Variants in FAM228B observed in about 807,000 individuals in gnomAD.
FAM228B encodes family with sequence similarity 228 member B.
In FAM228B, 38 loss-of-function variants were observed where a neutral mutation model predicts 42.6. That is an observed-to-expected ratio of 0.89 (90% CI 0.69 to 1.17). The LOEUF is 1.17. Ranked by LOEUF, FAM228B falls within the 50% of genes most tolerant of loss-of-function variation. FAM228B has a pLI of 0.00. For synonymous variants in FAM228B, 109 were observed against 122.3 expected (o/e 0.89, Z 0.72); for missense variants, 344 against 367.3 (o/e 0.94, Z 0.52).
At chr2:24,127,653 T>A (rs1290745945) in intron 2 of FAM228B, among the ~76,000 whole-genome samples, 4 of 152,030 alleles carry the variant, frequency 2.6e-5, no homozygotes, top group Non-Finnish European at 1.5e-5. Flanking sequence ...ATCTGGAAAA[T>A]TTTCAGCCAT....
chr2:24,153,383 C>T (rs982364177), intron 7 of FAM228B, among the ~76,000 whole-genome samples: 5 of 152,130 alleles, frequency 3.3e-5, no homozygotes, highest in African/African-American at 1.2e-4. Flanking sequence ...TTTTCAGGGC[C>T]CAAGGGCTCC....
intron 3 of FAM228B, chr2:24,096,667 C>T (rs2150994262): frequency 6.6e-6 from 1 of 152,246 alleles, no homozygotes; most frequent in South Asian, 2.1e-4. Flanking sequence ...ATTGGTGTAC[C>T]TGGAAGTGAT....
intron 7 of FAM228B, among the ~76,000 whole-genome samples, chr2:24,148,650 A>G (rs1365898698): frequency 2.0e-5 from 3 of 152,178 alleles, no homozygotes; most frequent in Non-Finnish European, 1.5e-5. Flanking sequence ...TGATACAGGC[A>G]TGCAATTCAT....
At chr2:24,083,092 C>A (rs1194908515) in intron 2 of FAM228B, 1 of 1,614,102 alleles carries the variant, frequency 6.2e-7, no homozygotes, top group Admixed American at 1.7e-5. Flanking sequence ...GCCACATGTC[C>A]AGATGCCTCA....
intron 3 of FAM228B, among the ~76,000 whole-genome samples, chr2:24,098,838 A>G (rs1665552530): frequency 2.6e-5 from 4 of 152,202 alleles, no homozygotes. Flanking sequence ...AAAAAAGAGA[A>G]TTTTAGACCA....
intron 7 of FAM228B, among the ~76,000 whole-genome samples, chr2:24,150,271 A>T (rs373436479): frequency 2.6e-5 from 4 of 152,060 alleles, no homozygotes; most frequent in African/African-American, 7.2e-5. Context: ...TTAGCATTTC[A>T]TATAGGATAG....
chr2:24,108,911 A>AG (rs1046656741), intron 3 of FAM228B, among the ~76,000 whole-genome samples: 2 of 151,846 alleles, frequency 1.3e-5, no homozygotes, highest in Admixed American at 6.6e-5. Flanking sequence ...AAAAAAAAAA[A>AG]AAAAAGAAAA....
At chr2:24,164,152 A>G in intron 8 of FAM228B, 46 bp from the exon 9 acceptor site, 1 of 1,485,522 alleles carries the variant, frequency 6.7e-7, no homozygotes, top group Non-Finnish European at 9.0e-7. Flanking sequence ...GCTACAGTTG[A>G]GTTGAGAGTT....
intron 2 of FAM228B, among the ~76,000 whole-genome samples, chr2:24,132,653 T>C: frequency 6.6e-6 from 1 of 152,026 alleles, no homozygotes; most frequent in Non-Finnish European, 1.5e-5. Flanking sequence ...TTGGTCTCCA[T>C]TGATTGTTTT....
chr2:24,127,421 A>C (rs1416692517), intron 2 of FAM228B, among the ~76,000 whole-genome samples: 1 of 152,096 alleles, frequency 6.6e-6, no homozygotes, highest in African/African-American at 2.4e-5. Context: ...GTAACTTTTT[A>C]GGTAACATGA....
At chr2:24,133,656 A>G (rs6723592) in intron 2 of FAM228B, among the ~76,000 whole-genome samples, 17,929 of 152,266 alleles carry the variant, frequency 0.12, 1,254 homozygotes, top group South Asian at 0.18. Flanking sequence ...TGTTATAAAA[A>G]TGGAAAAATT....
At chr2:24,081,765 T>C (rs1056476010) in intron 2 of FAM228B, among the ~76,000 whole-genome samples, 5 of 150,968 alleles carry the variant, frequency 3.3e-5, no homozygotes, top group African/African-American at 1.2e-4. Context: ...CTTGGCTCAC[T>C]GCAAGCTCTG....
intron 3 of FAM228B, among the ~76,000 whole-genome samples, chr2:24,114,994 T>A (rs1053580797): frequency 6.6e-6 from 1 of 152,182 alleles, no homozygotes; most frequent in Non-Finnish European, 1.5e-5. Context: ...AAATGTCCAT[T>A]GAATACCTTG....
chr2:24,086,234 C>CAAAA (rs57641176), intron 2 of FAM228B, among the ~76,000 whole-genome samples: 15 of 63,928 alleles, frequency 2.3e-4, no homozygotes, highest in African/African-American at 7.7e-4. Flanking sequence ...GACTCCGTCT[C>CAAAA]AAAAAAAAAA....
At position 24,137,987 on chromosome 2, in the gene FAM228B, T is replaced by A; in HGVS notation, c.247T>A (p.Cys83Ser). The change falls in exon 4 of 11, where the codon TGT becomes AGT. Residue 83 changes from cysteine (C) to serine (S), a missense_variant. By Grantham distance (112) the Cys-to-Ser change is moderately radical (BLOSUM62 -1). Transcript: ENST00000615575. ...KEMLYKRWVD[C>S]VADPLQKKII... ...GATGTTATATAAAAGATGGGTTGACTGTGTGGCAGATCCTCTTCAGAAGAA... is the reference window on the plus strand; with the variant it reads ...GATGTTATATAAAAGATGGGTTGACAGTGTGGCAGATCCTCTTCAGAAGAA... 4 of 1,548,514 alleles carry A rather than the reference T, an allele frequency of 2.6e-6. No individual in the cohort carries two copies. The highest frequency in any genetic ancestry group is 3.5e-6 in the Non-Finnish European group (4 of 1,146,186).
chr2:24,142,050 C>T (rs1347126379), intron 5 of FAM228B, among the ~76,000 whole-genome samples: 3 of 152,158 alleles, frequency 2.0e-5, no homozygotes, highest in East Asian at 1.9e-4. Context: ...CACCTGAGAG[C>T]GTCTCGGGTA....
rs1253887012 is a variant in FAM228B at position 24,080,639 on chromosome 2, T to C, written c.-289-237T>C. The C allele has an allele frequency of 8.6e-6, 6 of 700,894 alleles. No individual in the cohort carries two copies. In the Admixed American group the frequency reaches 1.2e-4, roughly 14 times the overall value. 43.4% of individuals were successfully genotyped at this position (700,894 alleles called of 1,614,324 possible). ...GAATGCACATGGAAACCATCTTAGATTTAAATATGACTGCCTGTCTCCAGT... is the reference window on the plus strand; with the variant it reads ...GAATGCACATGGAAACCATCTTAGACTTAAATATGACTGCCTGTCTCCAGT... On this transcript the variant is annotated intron_variant, in intron 1 of 10. Transcript: ENST00000613899. This position sits in a 1 kb window ranked among gnomAD's most constrained non-coding sequence, Gnocchi z 4.7.
intron 3 of FAM228B, among the ~76,000 whole-genome samples, chr2:24,101,624 G>T (rs1174178747): frequency 6.6e-6 from 1 of 152,000 alleles, no homozygotes; most frequent in Non-Finnish European, 1.5e-5. Flanking sequence ...ATTACTTATT[G>T]CTAGAATTGG....
At chr2:24,146,540 A>G (rs1666898351) in intron 5 of FAM228B, among the ~76,000 whole-genome samples, 1 of 152,208 alleles carries the variant, frequency 6.6e-6, no homozygotes, top group Non-Finnish European at 1.5e-5. Flanking sequence ...TGTCTCTTTG[A>G]CTGGAGGGCC....
Sources: gnomAD v4.1 joint callset for allele counts (sites outside exome capture counted in the v4.1 genomes callset) on GRCh38, gnomAD v4.1.1 for gene constraint, Gnocchi (gnomAD v3.1) non-coding constraint, MANE v1.5 for transcripts, NCBI Gene and HGNC (gene_info 2026-07-23, HGNC 2026-07-21) for gene names.